The following DLG1 variants were observed in gnomAD, a reference collection of about 807,000 sequenced individuals.
DLG1 encodes discs large MAGUK scaffold protein 1.
A neutral mutation model predicts 123.4 loss-of-function variants in DLG1; 42 were observed. That is an observed-to-expected ratio of 0.34 (90% CI 0.27 to 0.44). DLG1 has a LOEUF of 0.44. DLG1 is among the 20% of genes least tolerant of loss of function. The pLI is 1.00. For missense variants in DLG1, 942 were observed against 1,082.6 expected, an observed-to-expected ratio of 0.87 and a Z score of 1.82; for synonymous variants, 317 against 356.2, an observed-to-expected ratio of 0.89 and a Z score of 1.24.
At chr3:197,130,323 A>G (rs1781860916) in intron 11 of DLG1, among the ~76,000 whole-genome samples, 1 of 151,892 alleles carries the variant, frequency 6.6e-6, no homozygotes, top group Non-Finnish European at 1.5e-5. Context: ...TAAAATAATA[A>G]AGGTGAAAAG....
intron 4 of DLG1, among the ~76,000 whole-genome samples, chr3:197,231,480 C>T (rs1028447058): frequency 2.6e-5 from 4 of 152,038 alleles, no homozygotes; most frequent in African/African-American, 9.7e-5. Flanking sequence ...GCGGGCGGGT[C>T]GCTTAAGCTC....
intron 13 of DLG1, among the ~76,000 whole-genome samples, chr3:197,110,480 T>A (rs1201623931): frequency 3.3e-5 from 5 of 152,244 alleles, no homozygotes; most frequent in African/African-American, 7.2e-5. Context: ...TGTCTTTGTT[T>A]AGCATGTTCA....
intron 24 of DLG1, among the ~76,000 whole-genome samples, chr3:197,047,211 G>A (rs939315415): frequency 2.0e-5 from 3 of 152,014 alleles, no homozygotes; most frequent in Non-Finnish European, 2.9e-5. Context: ...GATTCTATAA[G>A]GGAATATCCC....
intron 5 of DLG1, among the ~76,000 whole-genome samples, chr3:197,174,278 G>T (rs1211289420): frequency 6.6e-6 from 1 of 152,058 alleles, no homozygotes; most frequent in Non-Finnish European, 1.5e-5. Context: ...GTTTAATTCT[G>T]TTGCAATTCT....
chr3:197,131,584 C>CTTTT (rs773487577), intron 10 of DLG1, among the ~76,000 whole-genome samples: 48 of 65,768 alleles, frequency 7.3e-4, no homozygotes, highest in Non-Finnish European at 1.0e-3. Context: ...TTCTTCCTTT[C>CTTTT]TTTTTTTTTT....
At chr3:197,193,754 A>C (rs1720913765) in intron 5 of DLG1, among the ~76,000 whole-genome samples, 1 of 152,162 alleles carries the variant, frequency 6.6e-6, no homozygotes, top group South Asian at 2.1e-4. Flanking sequence ...GATTATAGTT[A>C]CTTCTGAGGG....
chr3:197,059,147 G>A (rs1184653629), intron 23 of DLG1, among the ~76,000 whole-genome samples: 1 of 152,124 alleles, frequency 6.6e-6, no homozygotes, highest in East Asian at 1.9e-4. Flanking sequence ...GGATGGTCTC[G>A]ATCTCCTGAC....
rs1159634808 is a variant in DLG1, at chr3:197,297,167, T to A, written c.19+19A>T. On this transcript the variant is annotated intron_variant, in intron 2 of 24. Coordinates refer to ENST00000667157, the MANE Select transcript of DLG1 (RefSeq NM_001366207.1). ...AAAGCAAGTGACATCGACAACAGAG[T>A]TACGGAATAAACTCTCACCTTGCTT... is the stretch of plus-strand genomic sequence containing the variant. The A allele has an allele frequency of 6.2e-7, 1 of 1,613,614 alleles. No homozygotes were observed. The highest frequency in any genetic ancestry group is 2.2e-5 in the East Asian group (1 of 44,862).
chr3:197,099,457 TAA>T (rs1274462319), intron 14 of DLG1, among the ~76,000 whole-genome samples: 2 of 152,248 alleles, frequency 1.3e-5, no homozygotes, highest in East Asian at 3.8e-4. Context: ...TAATTTTACA[TAA>T]GAGATTTTCT....
intron 4 of DLG1, among the ~76,000 whole-genome samples, chr3:197,250,083 C>G (rs766270263): frequency 5.3e-5 from 8 of 151,982 alleles, no homozygotes; most frequent in Non-Finnish European, 7.4e-5. Context: ...AAATAAAGGG[C>G]ACCAAAATTG....
rs923892863 is a variant in DLG1 at position 197,181,804 on chromosome 3, A to C, written c.483+12621T>G. Among the ~76,000 whole-genome samples, 10 of 152,336 alleles carry C rather than the reference A, an allele frequency of 6.6e-5. No individual in the cohort carries two copies. The East Asian group carries it at 9.6e-4, about 15-fold the overall frequency. ...AAAGACAAGATGAGAATCAGGAAAG[A>C]GGTCTGAAAGAAATAAAAACTATTA... On this transcript the variant is annotated intron_variant, in intron 5 of 24. Coordinates refer to ENST00000667157, the MANE Select transcript of DLG1 (RefSeq NM_001366207.1).
intron 5 of DLG1, among the ~76,000 whole-genome samples, chr3:197,152,263 G>A (rs1471219010): frequency 1.3e-5 from 2 of 152,068 alleles, no homozygotes; most frequent in Non-Finnish European, 2.9e-5. Flanking sequence ...AACCAGGTCT[G>A]AGATTACAGG....
intron 5 of DLG1, among the ~76,000 whole-genome samples, chr3:197,192,916 A>G (rs1013365710): frequency 3.9e-5 from 6 of 152,200 alleles, no homozygotes; most frequent in African/African-American, 7.2e-5. Flanking sequence ...TACATATGCT[A>G]TAGATATTAA....
chr3:197,198,977 ATTAG>A (rs1162858896), intron 4 of DLG1, among the ~76,000 whole-genome samples: 2 of 152,234 alleles, frequency 1.3e-5, no homozygotes, highest in African/African-American at 2.4e-5. Context: ...ACCTTCTGAA[ATTAG>A]TTAGTGGTGG....
chr3:197,118,910 G>T, intron 12 of DLG1, among the ~76,000 whole-genome samples: 1 of 152,182 alleles, frequency 6.6e-6, no homozygotes, highest in South Asian at 2.1e-4. Flanking sequence ...AGGCAGATAC[G>T]GGAGGATAGC....
At chr3:197,224,042 T>C (rs1017088239) in intron 4 of DLG1, among the ~76,000 whole-genome samples, 1 of 152,228 alleles carries the variant, frequency 6.6e-6, no homozygotes, top group African/African-American at 2.4e-5. Flanking sequence ...CTTCTTTTTA[T>C]TTCCTAAATT....
chr3:197,071,311 C>A (rs1406482568), intron 18 of DLG1, among the ~76,000 whole-genome samples: 1 of 151,906 alleles, frequency 6.6e-6, no homozygotes, highest in Non-Finnish European at 1.5e-5. Context: ...TAAACAAATA[C>A]CTGCAGGGTT....
intron 13 of DLG1, among the ~76,000 whole-genome samples, chr3:197,107,725 G>A (rs892490068): frequency 6.6e-6 from 1 of 150,824 alleles, no homozygotes; most frequent in Non-Finnish European, 1.5e-5. Flanking sequence ...GTCTGTTGTT[G>A]TATTTCTTAA....
At chr3:197,270,860 T>C (rs1763637601) in intron 4 of DLG1, among the ~76,000 whole-genome samples, 2 of 152,134 alleles carry the variant, frequency 1.3e-5, no homozygotes, top group Admixed American at 1.3e-4. Context: ...TCATCAACCT[T>C]TACACCTAAC....
Sources: gnomAD v4.1 joint callset for allele counts (sites outside exome capture counted in the v4.1 genomes callset) on GRCh38, gnomAD v4.1.1 for gene constraint, MANE v1.5 for transcripts, NCBI Gene and HGNC (gene_info 2026-07-23, HGNC 2026-07-21) for gene names.